The following NEB variants were observed in gnomAD, a reference collection of about 807,000 sequenced individuals.
NEB encodes the protein nemaline myopathy type 2.
Under a neutral mutation model 952.2 loss-of-function variants are expected in NEB, and 512 were observed. That is an observed-to-expected ratio of 0.54 (90% CI 0.50 to 0.58). NEB has a LOEUF of 0.58. Among genes scored for constraint, NEB ranks in the 20% least tolerant of loss-of-function variants. NEB has a pLI of 0.00. For missense variants in NEB, 8,428 were observed against 9,231.1 expected, an observed-to-expected ratio of 0.91 and a Z score of 3.56; for synonymous variants, 2,900 against 3,149.8, an observed-to-expected ratio of 0.92 and a Z score of 2.66.
chr2:151,570,065 A>C lies in NEB; in HGVS notation c.17430+16T>G. 6.3e-7 allele frequency: 1 copy of C among 1,592,654 alleles called. No individual in the cohort carries two copies. The highest frequency in any genetic ancestry group is 8.6e-7 in the Non-Finnish European group (1 of 1,168,960). ...AAACTGAGAAAAGAGTTCAACCCCA[A>C]ATGCAGCCCACTCACATCGCTCTGC... On this transcript the variant is annotated intron_variant, in intron 109 of 181. Transcript: ENST00000397345.
chr2:151,727,640 A>C, intron 5 of NEB, 51 bp downstream of exon 5: 1 of 1,533,940 alleles, frequency 6.5e-7, no homozygotes, highest in South Asian at 1.2e-5. Context: ...AGTTGAGATA[A>C]GTAATTTCTT....
At chr2:151,620,202 T>C (rs1253394615) in intron 72 of NEB, among the ~76,000 whole-genome samples, 2 of 151,746 alleles carry the variant, frequency 1.3e-5, no homozygotes, top group East Asian at 3.9e-4. Context: ...ATTTCTGTTA[T>C]TTAATAGGTA....
In NEB at chr2:151,646,139, G is replaced by A. The variant is rs964666185; in HGVS notation, c.7527C>T (p.Asn2509=). The change falls in exon 55 of 182, where the codon AAC becomes AAT. Residue 2509 remains asparagine, a synonymous_variant. Transcript: ENST00000397345. ...GAATTTGAAAACTTACATCACTTGT[G>A]TTGATTAAGTTTGCTTTAGCCAGAA... ...DIVLAKANLI[N]TSDKLYRMGY... 5.0e-6 allele frequency: 8 copies of A among 1,586,506 alleles called. No homozygotes were observed. The highest frequency in any genetic ancestry group is 5.2e-6 in the Non-Finnish European group (6 of 1,164,636).
chr2:151,664,406 C>G, intron 44 of NEB, 95 bp downstream of exon 44: 1 of 908,938 alleles, frequency 1.1e-6, no homozygotes. Flanking sequence ...CCCACCAACC[C>G]TGAATGGAGC....
intron 124 of NEB, 69 bp downstream of exon 124, chr2:151,560,523 G>C: frequency 8.8e-7 from 1 of 1,137,554 alleles, no homozygotes; most frequent in South Asian, 1.3e-5. Flanking sequence ...CAGCCTGAAA[G>C]ATTCTTGGAG....
chr2:151,666,537 A>T (rs2099219779), intron 40 of NEB, 136 bp from the exon 41 acceptor site: 1 of 798,010 alleles, frequency 1.3e-6, no homozygotes, highest in Admixed American at 2.9e-5. Context: ...TGTATTTTAA[A>T]ATAAACAATT....
At chr2:151,734,069 A>G (rs1453312717) in intron 1 of NEB, among the ~76,000 whole-genome samples, 2 of 152,214 alleles carry the variant, frequency 1.3e-5, no homozygotes, top group African/African-American at 4.8e-5. Flanking sequence ...AGCCCAGTAG[A>G]ACAGGATAAA....
intron 74 of NEB, 27 bp from the exon 75 acceptor site, chr2:151,617,495 G>GAA (rs1560488823): frequency 7.7e-7 from 1 of 1,300,704 alleles, no homozygotes; most frequent in Non-Finnish European, 1.1e-6. Context: ...AAAAGAGAGA[G>GAA]AGAGAGAGAA....
In NEB at chr2:151,537,285, G is replaced by C. The variant is rs771897782; in HGVS notation, c.21103-49C>G. 4.5e-6 allele frequency: 5 copies of C among 1,105,302 alleles called. No homozygotes were observed. The African/African-American group carries it at 7.7e-5, about 17-fold the overall frequency. 68.5% of individuals were successfully genotyped at this position (1,105,302 alleles called of 1,614,324 possible). On this transcript the variant is annotated intron_variant, in intron 140 of 181. Coordinates refer to ENST00000397345, the MANE Select transcript of NEB (RefSeq NM_001164508.2). ...AGTTCTAAGAAGCCATCTCCAAACAGCAATAAGTTAGTATCTATACAAGTG... is the reference window on the plus strand; with the variant it reads ...AGTTCTAAGAAGCCATCTCCAAACACCAATAAGTTAGTATCTATACAAGTG...
chr2:151,633,753 G>T lies in NEB; in HGVS notation c.9315C>A (p.Val3105=), dbSNP rs371174518. Residue 3105 remains valine (V), a synonymous_variant, in exon 65 of 182, where the codon GTC becomes GTA. Transcript: ENST00000397345. ...GGTAGTTCTTATAGTCCACGTCACTGACTAAGGTCTGGCACTTCTTGGCCA... is the reference window on the plus strand; with the variant it reads ...GGTAGTTCTTATAGTCCACGTCACTTACTAAGGTCTGGCACTTCTTGGCCA... ...VVLAKKCQTL[V]SDVDYKNYLH... 1.5e-4 allele frequency: 240 copies of T among 1,613,962 alleles called. 1 individual carries two copies. In the African/African-American group the frequency reaches 3.1e-3, roughly 21 times the overall value.
chr2:151,662,629 G>GAA lies in NEB; in HGVS notation c.5764-290_5764-289dup, dbSNP rs1156441227. 2.6e-5 allele frequency among the ~76,000 whole-genome samples: 4 copies of GAA among 152,098 alleles called. No homozygotes were observed. In the East Asian group the frequency reaches 7.7e-4, roughly 29 times the overall value. On this transcript the variant is annotated intron_variant, in intron 45 of 181. Transcript: ENST00000397345. ...TGCCTTCATAAAGAAAAAGTACTAA[G>GAA]AAATACCACATAGATTCATCTCCCA...
intron 124 of NEB, 145 bp downstream of exon 124, chr2:151,560,447 C>A: frequency 1.5e-6 from 1 of 685,998 alleles, no homozygotes; most frequent in Admixed American, 2.1e-5. Flanking sequence ...AATGACTGAG[C>A]ATTTGGAATT....
rs761452043 is a variant in NEB at position 151,499,252 on chromosome 2, T to TAAAC, written c.24114+42_24114+45dup. On this transcript the variant is annotated intron_variant, in intron 169 of 181. Coordinates refer to ENST00000397345, the MANE Select transcript of NEB (RefSeq NM_001164508.2). ...TTTAAAATCTAGCCATTAATCTTTT[T>TAAAC]AAACATTTTTTTAAATAATTAAAGG... The TAAAC allele has an allele frequency of 1.0e-5, 11 of 1,051,022 alleles. No individual in the cohort carries two copies. In the African/African-American group the frequency reaches 1.3e-4, roughly 12 times the overall value. The allele number at this position is 1,051,022 out of a possible 1,614,324, so 65.1% of individuals were successfully genotyped here.
intron 51 of NEB, among the ~76,000 whole-genome samples, chr2:151,654,334 T>TA (rs1433374648): frequency 6.6e-6 from 1 of 152,204 alleles, no homozygotes; most frequent in Non-Finnish European, 1.5e-5. Flanking sequence ...TGGTATATTT[T>TA]ATCATAGCTT....
intron 178 of NEB, 103 bp downstream of exon 178, chr2:151,491,995 G>T: frequency 1.6e-6 from 2 of 1,264,150 alleles, no homozygotes; most frequent in African/African-American, 1.5e-5. Flanking sequence ...TAGAAAAACA[G>T]ATTGAAGTCC....
rs1553662474 is a variant in NEB, at chr2:151,717,388, A to AGAC, written c.822+27_822+28insGTC. 21 of 1,426,114 alleles carry AGAC rather than the reference A, an allele frequency of 1.5e-5. No individual in the cohort carries two copies. In the South Asian group the frequency reaches 2.4e-4, roughly 16 times the overall value. The allele number at this position is 1,426,114 out of a possible 1,614,324, so 88.3% of individuals were successfully genotyped here. ...AATTATTAAGCAGAGTCTTCAAGGG[A>AGAC]GGCAATGTCCCAGCTCTATTTACTT... is the stretch of plus-strand genomic sequence containing the variant. On this transcript the variant is annotated intron_variant, in intron 10 of 181. Coordinates refer to ENST00000397345, the MANE Select transcript of NEB (RefSeq NM_001164508.2).
chr2:151,563,902 G>A lies in NEB; in HGVS notation c.18500C>T (p.Thr6167Ile). ...TILYKGAWEG[T>I]KAYGYTLDER... is the part of the protein sequence containing the mutation. The stretch of plus-strand genomic sequence containing the variant: ...ATCCAGGGTGTAGCCATAGGCCTTG[G>A]TGCCCTCCCACGCCCCTTTATACAG... Residue 6167 changes from threonine (T) to isoleucine (I), a missense_variant, in exon 118 of 182, where the codon ACC becomes ATC. Thr to Ile is a moderately conservative substitution (Grantham distance 89). Coordinates refer to ENST00000397345, the MANE Select transcript of NEB (RefSeq NM_001164508.2). 1 of 1,611,524 alleles carries A rather than the reference G, an allele frequency of 6.2e-7. No individual in the cohort carries two copies. Among genetic ancestry groups the A allele is most frequent in the Non-Finnish European group, 8.5e-7 (1 of 1,178,786 alleles).
chr2:151,684,664 A>G, intron 28 of NEB, 114 bp downstream of exon 28: 1 of 1,004,364 alleles, frequency 1.0e-6, no homozygotes, highest in Non-Finnish European at 1.4e-6. Context: ...GTTTGCTTAC[A>G]TACATAGGAC....
chr2:151,575,892 C>A, intron 106 of NEB, 93 bp from the exon 107 acceptor site: 1 of 957,118 alleles, frequency 1.0e-6, no homozygotes, highest in Non-Finnish European at 1.7e-6. Flanking sequence ...TGGATTTGAT[C>A]CAAAACCCTT....
Sources: allele counts gnomAD v4.1 joint callset (sites outside exome capture counted in the v4.1 genomes callset), GRCh38; gene constraint gnomAD v4.1.1; transcripts MANE v1.5; gene names NCBI Gene and HGNC (gene_info 2026-07-23, HGNC 2026-07-21).